CCDC102B: variants seen among roughly 807,000 people sequenced by gnomAD.
The protein encoded by CCDC102B is coiled-coil domain-containing protein 102B.
A neutral mutation model predicts 57.4 loss-of-function variants in CCDC102B; 75 were observed. The ratio of observed to expected loss-of-function variants is 1.31; its 90% CI spans 1.08 to 1.58. The LOEUF (loss-of-function observed/expected upper bound fraction) is 1.58, where lower values mean the gene tolerates loss of function less well. Among genes scored for constraint, CCDC102B ranks in the 40% most tolerant of loss-of-function variants. The pLI is 0.00. For synonymous variants in CCDC102B, 206 were observed against 201.9 expected (o/e 1.02, Z -0.17); for missense variants, 636 against 582.6 (o/e 1.09, Z -0.94).
At chr18:68,911,856 G>T (rs955398087) in intron 6 of CCDC102B, among the ~76,000 whole-genome samples, 1 of 147,540 alleles carries the variant, frequency 6.8e-6, no homozygotes, top group African/African-American at 2.5e-5. Context: ...CCCATGATAT[G>T]AATTTACCTA....
chr18:68,738,902 C>T (rs553624533), intron 2 of CCDC102B, among the ~76,000 whole-genome samples: 11 of 152,228 alleles, frequency 7.2e-5, no homozygotes, highest in African/African-American at 1.9e-4. Context: ...CCCCATGATA[C>T]GCCCTTATTT....
chr18:68,919,434 T>C lies in CCDC102B; in HGVS notation c.1263+22006T>C, dbSNP rs112187090. ...TTTACCCATGCTGAACTAAAAAACA[T>C]TGGTTTCCTAATCAATGCCAGCAGG... is the stretch of plus-strand genomic sequence containing the variant. On this transcript the variant is annotated intron_variant, in intron 6 of 7. Coordinates refer to ENST00000360242, the MANE Select transcript of CCDC102B (RefSeq NM_024781.3). Among the ~76,000 whole-genome samples, 286 of 152,268 alleles carry C rather than the reference T, an allele frequency of 1.9e-3. 1 individual carries two copies. Among genetic ancestry groups the C allele is most frequent in the African/African-American group, 6.3e-3 (260 of 41,570 alleles).
At chr18:68,880,560 G>A (rs1427125625) in intron 5 of CCDC102B, among the ~76,000 whole-genome samples, 2 of 151,566 alleles carry the variant, frequency 1.3e-5, no homozygotes, top group African/African-American at 4.8e-5. Context: ...TCACCTCTCA[G>A]CGGGGCAACT....
At chr18:68,763,852 A>G (rs140152409) in intron 2 of CCDC102B, among the ~76,000 whole-genome samples, 38 of 152,136 alleles carry the variant, frequency 2.5e-4, no homozygotes, top group African/African-American at 8.9e-4. Flanking sequence ...GAGTATAATA[A>G]TAGAGTAACT....
intron 6 of CCDC102B, among the ~76,000 whole-genome samples, chr18:68,953,549 G>GT (rs34724147): frequency 0.31 from 45,799 of 149,896 alleles, 8,448 homozygotes; most frequent in African/African-American, 0.51. Context: ...TTTAGTAGCG[G>GT]TTTTTTTTTC....
chr18:68,772,535 A>G (rs1332729750), intron 2 of CCDC102B, among the ~76,000 whole-genome samples: 1 of 152,080 alleles, frequency 6.6e-6, no homozygotes, highest in Non-Finnish European at 1.5e-5. Flanking sequence ...TGAACTTTAC[A>G]GGTTTGGGCA....
chr18:68,905,894 C>T (rs532652775), intron 6 of CCDC102B, among the ~76,000 whole-genome samples: 6 of 144,794 alleles, frequency 4.1e-5, no homozygotes, highest in South Asian at 4.4e-4. Flanking sequence ...CCCGGGTTCA[C>T]GCCGTTCTCC....
intron 6 of CCDC102B, among the ~76,000 whole-genome samples, chr18:68,960,340 G>A (rs972426034): frequency 2.4e-5 from 3 of 126,972 alleles, no homozygotes; most frequent in African/African-American, 9.8e-5. Flanking sequence ...GGCCTGTATT[G>A]GGGGCCTGAT....
At chr18:68,735,766 T>TA (rs975414184) in intron 2 of CCDC102B, among the ~76,000 whole-genome samples, 49 of 152,298 alleles carry the variant, frequency 3.2e-4, no homozygotes, top group African/African-American at 1.2e-3. Flanking sequence ...TGATAAGTGA[T>TA]ATGTGAGATC....
rs688055 is a variant in CCDC102B, at chr18:68,771,005, T to A, written c.-66-52361T>A. On this transcript the variant is annotated intron_variant, in intron 2 of 3. Transcript: ENST00000578970. ...AGTTCAATCAGTAGGTTAAAATAAATGGTTCTGCAGGGACCTAGATTGATA... is the reference window on the plus strand; with the variant it reads ...AGTTCAATCAGTAGGTTAAAATAAAAGGTTCTGCAGGGACCTAGATTGATA... Among the ~76,000 whole-genome samples, 552 of 152,336 alleles carry A rather than the reference T, an allele frequency of 3.6e-3. 2 individuals carry two copies. The highest frequency in any genetic ancestry group is 0.013 in the African/African-American group (523 of 41,582).
intron 5 of CCDC102B, among the ~76,000 whole-genome samples, chr18:68,888,931 C>G (rs1254155742): frequency 6.6e-6 from 1 of 151,958 alleles, no homozygotes; most frequent in Non-Finnish European, 1.5e-5. Context: ...TACTGATGAT[C>G]TTTATGTAAA....
At chr18:68,778,504 C>T (rs930612236) in intron 2 of CCDC102B, among the ~76,000 whole-genome samples, 1 of 152,026 alleles carries the variant, frequency 6.6e-6, no homozygotes, top group Admixed American at 6.6e-5. Context: ...CAGAGATAAA[C>T]AGGATTTTGG....
intron 3 of CCDC102B, among the ~76,000 whole-genome samples, chr18:68,845,854 A>C (rs923223059): frequency 6.6e-6 from 1 of 151,790 alleles, no homozygotes; most frequent in Non-Finnish European, 1.5e-5. Context: ...TTAGATCCCC[A>C]GTAAATGACT....
intron 7 of CCDC102B, among the ~76,000 whole-genome samples, chr18:69,042,966 G>A (rs1170647992): frequency 1.1e-4 from 16 of 151,996 alleles, no homozygotes; most frequent in African/African-American, 2.4e-5. Context: ...AAGTGGACCC[G>A]GGGAACCAGC....
chr18:68,795,616 A>G (rs1359260931), upstream of CCDC102B, among the ~76,000 whole-genome samples: 1 of 152,002 alleles, frequency 6.6e-6, no homozygotes, highest in South Asian at 2.1e-4. Flanking sequence ...CTCTCACAAC[A>G]TTCTCCCCTG....
intron 4 of CCDC102B, among the ~76,000 whole-genome samples, chr18:68,863,886 A>G (rs2038864660): frequency 3.3e-5 from 5 of 151,990 alleles, no homozygotes; most frequent in Admixed American, 1.3e-4. Flanking sequence ...GTAATAATAC[A>G]TCAATTTTTT....
chr18:68,715,244 C>A, exon 1 of CCDC102B: 1 of 1,343,970 alleles, frequency 7.4e-7, no homozygotes, highest in Non-Finnish European at 9.5e-7. Context: ...CGGTGCCCCC[C>A]TCCACGCCCA....
At chr18:68,779,201 C>A (rs796119255) in intron 2 of CCDC102B, among the ~76,000 whole-genome samples, 1 of 152,034 alleles carries the variant, frequency 6.6e-6, no homozygotes, top group Admixed American at 6.6e-5. Flanking sequence ...TGCATACACA[C>A]GTGTTTGTGT....
chr18:68,947,273 A>G (rs762048157), intron 6 of CCDC102B, among the ~76,000 whole-genome samples: 5 of 152,008 alleles, frequency 3.3e-5, no homozygotes, highest in Non-Finnish European at 7.4e-5. Flanking sequence ...ATTTCTTGGT[A>G]TACTTGATTA....
Sources: allele counts gnomAD v4.1 joint callset (sites outside exome capture counted in the v4.1 genomes callset), GRCh38; gene constraint gnomAD v4.1.1; transcripts MANE v1.5; gene names NCBI Gene and HGNC (gene_info 2026-07-23, HGNC 2026-07-21).